KAZN: variants seen among roughly 807,000 people sequenced by gnomAD.
KAZN encodes kazrin.
Under a neutral mutation model 87.4 loss-of-function variants are expected in KAZN, and 40 were observed. The ratio of observed to expected loss-of-function variants is 0.46; its 90% confidence interval spans 0.36 to 0.60. The LOEUF is 0.60. KAZN is among the 20% of genes least tolerant of loss of function. KAZN has a pLI of 0.00. For missense variants in KAZN, 898 were observed against 1,073.9 expected (o/e 0.84, Z 2.29); for synonymous variants, 466 against 458.3 (o/e 1.02, Z -0.22).
At chr1:14,802,035 C>A (rs975489696) in intron 1 of KAZN, among the ~76,000 whole-genome samples, 2 of 152,094 alleles carry the variant, frequency 1.3e-5, no homozygotes, top group African/African-American at 4.8e-5. Flanking sequence ...CTGAGCCCTT[C>A]CTCTGTCATG....
intron 1 of KAZN, among the ~76,000 whole-genome samples, chr1:14,828,529 A>G (rs1646964393): frequency 1.3e-5 from 2 of 152,208 alleles, no homozygotes; most frequent in African/African-American, 4.8e-5. Context: ...ACGGAGTCCC[A>G]GAACCAAGAG....
At chr1:14,967,086 A>G (rs957835189) in intron 2 of KAZN, among the ~76,000 whole-genome samples, 1 of 152,188 alleles carries the variant, frequency 6.6e-6, no homozygotes, top group African/African-American at 2.4e-5. Context: ...ATGATGGGCG[A>G]TGGTCACGGT....
intron 1 of KAZN, among the ~76,000 whole-genome samples, chr1:13,996,451 TG>T (rs1252733041): frequency 1.3e-5 from 2 of 152,086 alleles, no homozygotes; most frequent in East Asian, 3.9e-4. Flanking sequence ...GCTCCCTGGG[TG>T]GGGGAAGGGC....
chr1:14,141,194 C>T (rs1200357207), intron 1 of KAZN, among the ~76,000 whole-genome samples: 1 of 145,062 alleles, frequency 6.9e-6, no homozygotes, highest in Admixed American at 7.1e-5. Context: ...TGTGGGGAAG[C>T]ATTTGAATCT....
At chr1:14,916,933 T>G (rs904635725) in intron 1 of KAZN, among the ~76,000 whole-genome samples, 1 of 151,654 alleles carries the variant, frequency 6.6e-6, no homozygotes, top group African/African-American at 2.4e-5. Flanking sequence ...AAAATTTAAC[T>G]TGGGGCTCGT....
At chr1:14,611,710 G>T (rs1322308081) in intron 1 of KAZN, among the ~76,000 whole-genome samples, 3 of 150,834 alleles carry the variant, frequency 2.0e-5, no homozygotes, top group South Asian at 2.1e-4. Flanking sequence ...AAAAAATTAA[G>T]ATTTCCCCAA....
chr1:14,952,342 A>G (rs1662596287), intron 1 of KAZN, among the ~76,000 whole-genome samples: 1 of 151,834 alleles, frequency 6.6e-6, no homozygotes, highest in Non-Finnish European at 1.5e-5. Flanking sequence ...AGCCACCAAG[A>G]TGGATGGGGT....
intron 1 of KAZN, among the ~76,000 whole-genome samples, chr1:14,774,676 G>A (rs1379924357): frequency 6.6e-6 from 1 of 152,058 alleles, no homozygotes; most frequent in Non-Finnish European, 1.5e-5. Flanking sequence ...GAAGAGATCA[G>A]TTCTCACTAT....
intron 8 of KAZN, among the ~76,000 whole-genome samples, chr1:15,075,295 C>G (rs1224493984): frequency 6.6e-6 from 1 of 152,208 alleles, no homozygotes; most frequent in Non-Finnish European, 1.5e-5. Context: ...AAAAAAATCC[C>G]TGGGTCAGTA....
rs79373284 is a variant in KAZN, at chr1:14,643,275, A to G, written c.226+44052A>G. Among the ~76,000 whole-genome samples the G allele has an allele frequency of 5.7e-3, 872 of 152,294 alleles. 6 individuals are homozygous for G. Among genetic ancestry groups the G allele is most frequent in the African/African-American group, 0.02 (836 of 41,570 alleles). On this transcript the variant is annotated intron_variant, in intron 1 of 14. Transcript: ENST00000376030. ...TTACAGGTTATTTCATCACCTCGGT[A>G]TTAAGCCCACCCAATAGTTATCCTT... is the stretch of plus-strand genomic sequence containing the variant.
At chr1:14,642,886 G>A (rs959743329) in intron 1 of KAZN, among the ~76,000 whole-genome samples, 12 of 152,206 alleles carry the variant, frequency 7.9e-5, no homozygotes, top group African/African-American at 2.7e-4. Flanking sequence ...ACTAAGTGCT[G>A]ATGAGGATAC....
intron 1 of KAZN, among the ~76,000 whole-genome samples, chr1:14,634,316 G>C (rs1053103465): frequency 5.9e-5 from 9 of 152,112 alleles, no homozygotes; most frequent in African/African-American, 1.9e-4. Context: ...GCCAATAAAA[G>C]CTGAAAGATC....
chr1:14,176,556 A>C (rs1646079450), intron 1 of KAZN, among the ~76,000 whole-genome samples: 1 of 152,142 alleles, frequency 6.6e-6, no homozygotes, highest in African/African-American at 2.4e-5. Context: ...CTAAGTGAGA[A>C]TCAGGCCATA....
intron 1 of KAZN, among the ~76,000 whole-genome samples, chr1:14,790,239 C>T (rs1313058490): frequency 1.3e-5 from 2 of 151,732 alleles, no homozygotes; most frequent in East Asian, 1.9e-4. Context: ...CTTGAACTCC[C>T]GACCTTAAGT....
chr1:14,505,446 G>A (rs879273052), intron 2 of KAZN, among the ~76,000 whole-genome samples: 1 of 152,198 alleles, frequency 6.6e-6, no homozygotes, highest in East Asian at 1.9e-4. Context: ...CTAAAGCAAC[G>A]AAAACCTGAG....
At chr1:14,012,100 G>A (rs2101195690) in intron 1 of KAZN, among the ~76,000 whole-genome samples, 1 of 152,288 alleles carries the variant, frequency 6.6e-6, no homozygotes, top group Admixed American at 6.5e-5. Flanking sequence ...TCATGTAAGT[G>A]AGAGACCTGA....
chr1:14,210,546 A>G (rs1646833661), intron 2 of KAZN, among the ~76,000 whole-genome samples: 1 of 152,146 alleles, frequency 6.6e-6, no homozygotes, highest in South Asian at 2.1e-4. Flanking sequence ...TTAATTAAAC[A>G]TGCATATGGG....
At chr1:14,330,933 TAAAG>T (rs1367133588) in intron 2 of KAZN, among the ~76,000 whole-genome samples, 8 of 152,180 alleles carry the variant, frequency 5.3e-5, no homozygotes, top group Non-Finnish European at 1.2e-4. Context: ...TATAGTTTCA[TAAAG>T]AAAAGTGCAT....
At chr1:15,078,831 C>T (rs1639872358) in intron 8 of KAZN, among the ~76,000 whole-genome samples, 1 of 152,184 alleles carries the variant, frequency 6.6e-6, no homozygotes, top group Non-Finnish European at 1.5e-5. Context: ...CCTTGCCATT[C>T]TCCTATAGGT....
Sources: gnomAD v4.1 joint callset for allele counts (sites outside exome capture counted in the v4.1 genomes callset) on GRCh38, gnomAD v4.1.1 for gene constraint, MANE v1.5 for transcripts, NCBI Gene and HGNC (gene_info 2026-07-23, HGNC 2026-07-21) for gene names.